Variants in ZCWPW2 observed in about 807,000 individuals in gnomAD.
ZCWPW2 encodes the protein zinc finger CW-type and PWWP domain containing 2.
In ZCWPW2, 45 loss-of-function variants were observed where a neutral mutation model predicts 46.6. The ratio of observed to expected loss-of-function variants is 0.96; its 90% CI spans 0.76 to 1.24. ZCWPW2 has a LOEUF of 1.24. Ranked by LOEUF, ZCWPW2 falls within the 50% of genes most tolerant of loss-of-function variation. The pLI is 0.00. For synonymous variants in ZCWPW2, 152 were observed against 137.1 expected, an observed-to-expected ratio of 1.11 and a Z score of -0.76; for missense variants, 429 against 403.9, an observed-to-expected ratio of 1.06 and a Z score of -0.53.
intron 4 of ZCWPW2, among the ~76,000 whole-genome samples, chr3:28,453,907 C>T (rs901825227): frequency 2.1e-4 from 32 of 150,344 alleles, no homozygotes; most frequent in South Asian, 6.3e-4. Flanking sequence ...TGCAGTGGCG[C>T]GATCTCGGCT....
intron 2 of ZCWPW2, among the ~76,000 whole-genome samples, chr3:28,399,885 A>C (rs985275769): frequency 6.6e-6 from 1 of 152,130 alleles, no homozygotes; most frequent in Admixed American, 6.5e-5. Flanking sequence ...TAACACCCCC[A>C]AAAAATCACA....
At chr3:28,367,203 C>T (rs1402820376) in intron 1 of ZCWPW2, among the ~76,000 whole-genome samples, 1 of 152,010 alleles carries the variant, frequency 6.6e-6, no homozygotes, top group Non-Finnish European at 1.5e-5. Flanking sequence ...AATGTGTTTG[C>T]TCTTGCTTCT....
At chr3:28,393,246 A>T (rs1695565832) in intron 2 of ZCWPW2, among the ~76,000 whole-genome samples, 1 of 152,196 alleles carries the variant, frequency 6.6e-6, no homozygotes, top group Middle Eastern at 3.2e-3. Flanking sequence ...AGATGGAATC[A>T]TGAAGAAATA....
chr3:28,431,584 C>A (rs1411691085), intron 3 of ZCWPW2, among the ~76,000 whole-genome samples: 1 of 152,032 alleles, frequency 6.6e-6, no homozygotes, highest in Non-Finnish European at 1.5e-5. Context: ...GCTCTCTGTT[C>A]AAATATGACC....
At chr3:28,500,635 T>A (rs911355752) in intron 6 of ZCWPW2, among the ~76,000 whole-genome samples, 2 of 152,134 alleles carry the variant, frequency 1.3e-5, no homozygotes, top group African/African-American at 4.8e-5. Context: ...TACAAAAAAA[T>A]TTCATAACAA....
chr3:28,430,786 TC>T (rs1369402352), intron 3 of ZCWPW2, among the ~76,000 whole-genome samples: 1 of 152,068 alleles, frequency 6.6e-6, no homozygotes, highest in Non-Finnish European at 1.5e-5. Context: ...TAAGGAGCTT[TC>T]CCCCCTTCAC....
intron 1 of ZCWPW2, among the ~76,000 whole-genome samples, chr3:28,379,633 T>G (rs1705609296): frequency 6.6e-6 from 1 of 152,170 alleles, no homozygotes; most frequent in African/African-American, 2.4e-5. Context: ...TTACACTGGA[T>G]GTATTAACAC....
intron 3 of ZCWPW2, among the ~76,000 whole-genome samples, chr3:28,421,124 T>G (rs1415531611): frequency 6.6e-6 from 1 of 151,934 alleles, no homozygotes; most frequent in Non-Finnish European, 1.5e-5. Flanking sequence ...CACATGGGAG[T>G]AAGAGTCAAG....
At chr3:28,469,848 A>G (rs1698973253) in intron 4 of ZCWPW2, among the ~76,000 whole-genome samples, 1 of 152,138 alleles carries the variant, frequency 6.6e-6, no homozygotes, top group Non-Finnish European at 1.5e-5. Context: ...TCAACATCCC[A>G]CTTTCAGCAT....
At chr3:28,422,418 TACC>T (rs1696829160) in intron 3 of ZCWPW2, among the ~76,000 whole-genome samples, 1 of 152,228 alleles carries the variant, frequency 6.6e-6, no homozygotes, top group Non-Finnish European at 1.5e-5. Flanking sequence ...TTTATCTTTC[TACC>T]GTCTTCATAG....
At chr3:28,519,806 T>C (rs1014651022) in intron 8 of ZCWPW2, among the ~76,000 whole-genome samples, 2 of 152,228 alleles carry the variant, frequency 1.3e-5, no homozygotes, top group Admixed American at 6.5e-5. Flanking sequence ...GCAGGCCACA[T>C]GTGGCCTCCT....
At chr3:28,514,429 A>G in intron 7 of ZCWPW2, among the ~76,000 whole-genome samples, 1 of 152,184 alleles carries the variant, frequency 6.6e-6, no homozygotes, top group Non-Finnish European at 1.5e-5. Context: ...ATCAAATGCC[A>G]GAAGCACATG....
intron 6 of ZCWPW2, among the ~76,000 whole-genome samples, chr3:28,512,206 C>T (rs1182757907): frequency 2.0e-5 from 3 of 150,172 alleles, no homozygotes; most frequent in African/African-American, 7.4e-5. Flanking sequence ...GAGACAGAAT[C>T]TTGCTCTGTC....
chr3:28,520,709 T>TA (rs958282766), intron 8 of ZCWPW2, among the ~76,000 whole-genome samples: 34 of 151,800 alleles, frequency 2.2e-4, no homozygotes, highest in Non-Finnish European at 4.1e-4. Flanking sequence ...GGCCCCTAAT[T>TA]AAAAAAAAAT....
chr3:28,393,768 G>T (rs1004645712), intron 2 of ZCWPW2, among the ~76,000 whole-genome samples: 1 of 152,000 alleles, frequency 6.6e-6, no homozygotes, highest in African/African-American at 2.4e-5. Flanking sequence ...TAACAAAATA[G>T]ATATAGAAGG....
At chr3:28,374,068 A>G (rs915655601) in intron 1 of ZCWPW2, among the ~76,000 whole-genome samples, 1 of 152,060 alleles carries the variant, frequency 6.6e-6, no homozygotes, top group Non-Finnish European at 1.5e-5. Flanking sequence ...GTTTGCCCAG[A>G]CCAATGTCCT....
At chr3:28,520,838 A>G (rs1003317940) in intron 8 of ZCWPW2, among the ~76,000 whole-genome samples, 154 bp from the exon 9 acceptor site, 1 of 152,246 alleles carries the variant, frequency 6.6e-6, no homozygotes, top group South Asian at 2.1e-4. Flanking sequence ...ATAATTTTGT[A>G]TCAGGAAGAA....
intron 2 of ZCWPW2, among the ~76,000 whole-genome samples, chr3:28,393,914 C>G (rs1206858635): frequency 6.6e-6 from 1 of 152,046 alleles, no homozygotes; most frequent in African/African-American, 2.4e-5. Flanking sequence ...GTGCAACATA[C>G]TAGAAGTTTT....
At chr3:28,409,527 C>T (rs1252975340) in intron 2 of ZCWPW2, among the ~76,000 whole-genome samples, 1 of 152,052 alleles carries the variant, frequency 6.6e-6, no homozygotes, top group Non-Finnish European at 1.5e-5. Flanking sequence ...AGAAAACACA[C>T]TAGTGATAAT....
Sources: allele counts gnomAD v4.1 joint callset (sites outside exome capture counted in the v4.1 genomes callset), GRCh38; gene constraint gnomAD v4.1.1; transcripts MANE v1.5; gene names NCBI Gene and HGNC (gene_info 2026-07-23, HGNC 2026-07-21).